USP32: variants seen among roughly 807,000 people sequenced by gnomAD.
USP32 encodes the protein ubiquitin specific peptidase 32.
In USP32, 59 loss-of-function variants were observed where a neutral mutation model predicts 204.8. The observed-to-expected ratio is 0.29, with a 90% CI of 0.23 to 0.36. The LOEUF (loss-of-function observed/expected upper bound fraction) is 0.36. Ranked by LOEUF, USP32 falls within the 10% of genes least tolerant of loss-of-function variation. USP32 has a pLI of 1.00. For synonymous variants in USP32, 517 were observed against 678.4 expected (o/e 0.76, Z 3.70); for missense variants, 1,160 against 1,946.4 (o/e 0.60, Z 7.60).
chr17:60,260,609 A>C (rs1425968701), intron 9 of USP32, among the ~76,000 whole-genome samples: 1 of 151,782 alleles, frequency 6.6e-6, no homozygotes, highest in Non-Finnish European at 1.5e-5. Flanking sequence ...TCTATATATA[A>C]TTTTCTATCT....
intron 11 of USP32, among the ~76,000 whole-genome samples, chr17:60,250,398 T>A (rs1431011129): frequency 1.3e-5 from 2 of 152,142 alleles, no homozygotes; most frequent in East Asian, 3.8e-4. Context: ...TAAAGCATTA[T>A]TTCTACCTAT....
intron 18 of USP32, 73 bp from the exon 19 acceptor site, chr17:60,212,171 TA>T: frequency 3.4e-5 from 39 of 1,157,438 alleles, no homozygotes; most frequent in African/African-American, 6.3e-5. Context: ...TTTTTTTTTT[TA>T]AAGACATCTT....
chr17:60,394,822 C>G (rs2089889022), upstream of USP32, among the ~76,000 whole-genome samples: 2 of 152,168 alleles, frequency 1.3e-5, no homozygotes, highest in African/African-American at 2.4e-5. Flanking sequence ...CGGTTCACTG[C>G]AGCCTCTGCC....
intron 1 of USP32, among the ~76,000 whole-genome samples, chr17:60,416,631 G>C (rs1314396639): frequency 6.6e-6 from 1 of 152,088 alleles, no homozygotes; most frequent in Admixed American, 6.6e-5. Flanking sequence ...AGTTAATGTT[G>C]AGCCATTATT....
intron 1 of USP32, among the ~76,000 whole-genome samples, chr17:60,348,547 G>A (rs1301576898): frequency 6.6e-6 from 1 of 152,180 alleles, no homozygotes; most frequent in East Asian, 1.9e-4. Flanking sequence ...GGCCAAGGCA[G>A]GAGGATGGCT....
chr17:60,337,888 C>T (rs1017333757), intron 2 of USP32, among the ~76,000 whole-genome samples: 5 of 151,140 alleles, frequency 3.3e-5, no homozygotes, highest in Non-Finnish European at 5.9e-5. Flanking sequence ...TCAAGATTTA[C>T]ATGAATAAGA....
chr17:60,185,832 T>C, intron 29 of USP32, 181 bp from the exon 30 acceptor site: 2 of 639,698 alleles, frequency 3.1e-6, no homozygotes, highest in Non-Finnish European at 5.0e-6. Context: ...GAGGCCGAGG[T>C]GGGGTAATTG....
chr17:60,198,526 T>A, intron 26 of USP32, 82 bp from the exon 27 acceptor site: 2 of 1,500,184 alleles, frequency 1.3e-6, no homozygotes, highest in Non-Finnish European at 1.8e-6. Context: ...TGCCTGCCAA[T>A]GACAGGCACT....
chr17:60,180,693 G>A, intron 32 of USP32, 56 bp from the exon 33 acceptor site: 1 of 1,521,368 alleles, frequency 6.6e-7, no homozygotes. Flanking sequence ...TATGGCCAGG[G>A]TATAGCACTA....
intron 1 of USP32, among the ~76,000 whole-genome samples, chr17:60,363,402 C>T (rs1386747743): frequency 6.7e-6 from 1 of 148,204 alleles, no homozygotes; most frequent in African/African-American, 2.5e-5. Context: ...TTGCAGTGAA[C>T]CAAGATTGCG....
At chr17:60,207,850 T>A in intron 24 of USP32, 1 of 719,268 alleles carries the variant, frequency 1.4e-6, no homozygotes, top group East Asian at 3.1e-5. Context: ...TCTTCAAAAA[T>A]ACCACCATCA....
At chr17:60,415,314 G>A (rs1303889340) in intron 1 of USP32, among the ~76,000 whole-genome samples, 1 of 152,168 alleles carries the variant, frequency 6.6e-6, no homozygotes, top group East Asian at 1.9e-4. Flanking sequence ...CTTGGGCCTG[G>A]AATGTGGTTA....
intron 1 of USP32, among the ~76,000 whole-genome samples, chr17:60,365,856 T>A (rs2089300481): frequency 6.6e-6 from 1 of 152,232 alleles, no homozygotes; most frequent in South Asian, 2.1e-4. Context: ...TGGCCTTGAA[T>A]ACAAACTTCT....
upstream of USP32, among the ~76,000 whole-genome samples, chr17:60,392,974 G>A (rs1435482456): frequency 6.6e-6 from 1 of 150,446 alleles, no homozygotes. Flanking sequence ...TAAAATATAC[G>A]TAACAAAATG....
chr17:60,374,999 A>G (rs2089512128), intron 1 of USP32, among the ~76,000 whole-genome samples: 1 of 152,268 alleles, frequency 6.6e-6, no homozygotes, highest in South Asian at 2.1e-4. Context: ...TTGAAAAAAG[A>G]GTAACAGCAA....
chr17:60,333,959 G>A lies in USP32; in HGVS notation c.186+11522C>T, dbSNP rs962282153. On this transcript the variant is annotated intron_variant, in intron 2 of 33. Transcript: ENST00000300896. Reference sequence around the variant, plus strand: ...TGGGAACACTTCCAGGATCACAAGTGGCACTTGATATGGGTCACATGGTGT... The same window carrying A: ...TGGGAACACTTCCAGGATCACAAGTAGCACTTGATATGGGTCACATGGTGT... Among the ~76,000 whole-genome samples, 34 of 152,194 alleles carry A rather than the reference G, an allele frequency of 2.2e-4. 1 individual carries two copies. The highest frequency in any genetic ancestry group is 7.7e-4 in the African/African-American group (32 of 41,528).
At chr17:60,238,655 A>T (rs959262682) in intron 11 of USP32, among the ~76,000 whole-genome samples, 2 of 151,960 alleles carry the variant, frequency 1.3e-5, no homozygotes, top group Non-Finnish European at 2.9e-5. Context: ...ATACAAAAAA[A>T]TTAGCTGGTG....
chr17:60,270,804 CA>C (rs2086706047), intron 6 of USP32, among the ~76,000 whole-genome samples: 2 of 127,826 alleles, frequency 1.6e-5, no homozygotes, highest in Admixed American at 1.7e-4. Flanking sequence ...GCCTGGGCAA[CA>C]AGAGCAAAAC....
At chr17:60,300,152 G>T (rs2087537198) in intron 3 of USP32, among the ~76,000 whole-genome samples, 1 of 152,112 alleles carries the variant, frequency 6.6e-6, no homozygotes, top group Non-Finnish European at 1.5e-5. Flanking sequence ...AAGAATAAAA[G>T]CAAAGGAATT....
Sources: allele counts gnomAD v4.1 joint callset (sites outside exome capture counted in the v4.1 genomes callset), GRCh38; gene constraint gnomAD v4.1.1; transcripts MANE v1.5; gene names NCBI Gene and HGNC (gene_info 2026-07-23, HGNC 2026-07-21).